The following GALNT13 variants were observed in gnomAD, a reference collection of about 807,000 sequenced individuals.
GALNT13 encodes the protein UDP-GalNAc:polypeptide N-acetylgalactosaminyltransferase 13.
In GALNT13, 28 loss-of-function variants were observed where a neutral mutation model predicts 64.2. The ratio of observed to expected loss-of-function variants is 0.44; its 90% CI spans 0.32 to 0.60. The LOEUF is 0.60. GALNT13 is among the 20% of genes least tolerant of loss of function. GALNT13 has a pLI of 0.05. For missense variants in GALNT13, 577 were observed against 669.8 expected (o/e 0.86, Z 1.53); for synonymous variants, 214 against 224.6 (o/e 0.95, Z 0.42).
the GALNT13 span, among the ~76,000 whole-genome samples, chr2:153,321,240 G>C: frequency 6.6e-6 from 1 of 152,146 alleles, no homozygotes; most frequent in Non-Finnish European, 1.5e-5. Flanking sequence ...TGTCCAGATT[G>C]TACCAATTTT....
At chr2:153,354,632 T>G in the GALNT13 span, among the ~76,000 whole-genome samples, 2 of 152,232 alleles carry the variant, frequency 1.3e-5, no homozygotes, top group South Asian at 4.2e-4. Context: ...TATGAGTCAC[T>G]CTGGGTAAGG....
At chr2:153,459,773 A>C in the GALNT13 span, among the ~76,000 whole-genome samples, 1 of 152,188 alleles carries the variant, frequency 6.6e-6, no homozygotes, top group East Asian at 1.9e-4. Context: ...GAAGTTTTGC[A>C]TATGTTTGGG....
At chr2:153,181,808 A>G in the GALNT13 span, among the ~76,000 whole-genome samples, 924 of 145,960 alleles carry the variant, frequency 6.3e-3, 16 homozygotes, top group African/African-American at 0.022. Context: ...ATATACTTAC[A>G]TAATTATATT....
the GALNT13 span, among the ~76,000 whole-genome samples, chr2:153,733,223 A>T: frequency 6.6e-6 from 1 of 152,164 alleles, no homozygotes; most frequent in Non-Finnish European, 1.5e-5. Flanking sequence ...AAGTATTTCT[A>T]CCAAACAAAA....
chr2:153,798,503 C>T, the GALNT13 span, among the ~76,000 whole-genome samples: 2 of 152,236 alleles, frequency 1.3e-5, no homozygotes, highest in South Asian at 4.1e-4. Context: ...TTTACTTATA[C>T]TGACACAATA....
intron 8 of GALNT13, chr2:154,286,959 T>C (rs1050191597): frequency 1.1e-5 from 6 of 547,450 alleles, no homozygotes; most frequent in African/African-American, 5.7e-5. Context: ...CATCCATCAC[T>C]ACCAAGACCC....
intron 3 of GALNT13, among the ~76,000 whole-genome samples, chr2:154,007,084 A>T (rs1272685967): frequency 1.3e-5 from 2 of 152,198 alleles, no homozygotes; most frequent in African/African-American, 2.4e-5. Flanking sequence ...CTGATTTAAT[A>T]AACTCTTCAA....
intron 9 of GALNT13, among the ~76,000 whole-genome samples, chr2:154,353,283 A>C (rs974894409): frequency 6.6e-6 from 1 of 152,150 alleles, no homozygotes; most frequent in Non-Finnish European, 1.5e-5. Flanking sequence ...TTACAACTTT[A>C]AAAAAATTAT....
intron 9 of GALNT13, among the ~76,000 whole-genome samples, chr2:154,303,757 T>G (rs1006799362): frequency 6.6e-6 from 1 of 151,728 alleles, no homozygotes; most frequent in South Asian, 2.1e-4. Flanking sequence ...ATAAGGAAAT[T>G]CAAACTTTTT....
the GALNT13 span, among the ~76,000 whole-genome samples, chr2:153,293,810 TGA>T: frequency 2.0e-5 from 3 of 150,948 alleles, no homozygotes; most frequent in Admixed American, 2.0e-4. Flanking sequence ...TGTGTGTGTG[TGA>T]GACAGGGTTT....
At chr2:153,425,079 T>G in the GALNT13 span, among the ~76,000 whole-genome samples, 1 of 151,712 alleles carries the variant, frequency 6.6e-6, no homozygotes, top group African/African-American at 2.4e-5. Flanking sequence ...TATATTGCAG[T>G]GGATATATTT....
At chr2:153,808,440 G>T in the GALNT13 span, among the ~76,000 whole-genome samples, 268 of 151,820 alleles carry the variant, frequency 1.8e-3, 1 homozygote, top group Non-Finnish European at 1.5e-3. Flanking sequence ...GTACCTGCTT[G>T]CAGACTAGAT....
the GALNT13 span, among the ~76,000 whole-genome samples, chr2:153,758,745 C>T: frequency 6.6e-6 from 1 of 151,990 alleles, no homozygotes; most frequent in Non-Finnish European, 1.5e-5. Context: ...GGCCTGTGTG[C>T]CGCACCCAGC....
chr2:154,061,493 T>A (rs1700182475), intron 3 of GALNT13, among the ~76,000 whole-genome samples: 1 of 152,206 alleles, frequency 6.6e-6, no homozygotes, highest in African/African-American at 2.4e-5. Flanking sequence ...ATTCTTCCTC[T>A]GTTTTAGCTT....
At chr2:153,780,238 T>TATGC in the GALNT13 span, among the ~76,000 whole-genome samples, 21 of 15,098 alleles carry the variant, frequency 1.4e-3, no homozygotes, top group Middle Eastern at 0.045. Flanking sequence ...TATATATATA[T>TATGC]ATATATATAT....
At chr2:154,048,345 C>T (rs1699395216) in intron 3 of GALNT13, among the ~76,000 whole-genome samples, 1 of 152,228 alleles carries the variant, frequency 6.6e-6, no homozygotes, top group East Asian at 1.9e-4. Context: ...CTGAACAAAA[C>T]CATATCACCA....
At chr2:153,458,262 G>GCAGAGAT in the GALNT13 span, among the ~76,000 whole-genome samples, 1 of 151,594 alleles carries the variant, frequency 6.6e-6, no homozygotes, top group South Asian at 2.1e-4. Flanking sequence ...CATTTTTAAT[G>GCAGAGAT]CAGAGATCAA....
the GALNT13 span, among the ~76,000 whole-genome samples, chr2:153,703,851 T>C: frequency 3.3e-5 from 5 of 152,174 alleles, no homozygotes; most frequent in Non-Finnish European, 7.4e-5. Context: ...ACTTCTATTG[T>C]GGAACAGCAG....
chr2:153,889,194 A>G (rs1051989989), intron 1 of GALNT13, among the ~76,000 whole-genome samples: 1 of 151,954 alleles, frequency 6.6e-6, no homozygotes, highest in African/African-American at 2.4e-5. Context: ...CTAAGTATAA[A>G]TTATTGATCT....
Sources: gnomAD v4.1 joint callset for allele counts (sites outside exome capture counted in the v4.1 genomes callset) on GRCh38, gnomAD v4.1.1 for gene constraint, MANE v1.5 for transcripts, NCBI Gene and HGNC (gene_info 2026-07-23, HGNC 2026-07-21) for gene names.